CHMP2B: variants seen among roughly 807,000 people sequenced by gnomAD.
The protein encoded by CHMP2B is charged multivesicular body protein 2B, also known as VPS2 homolog B.
In CHMP2B, 22 loss-of-function variants were observed where a neutral mutation model predicts 29.8. That is an observed-to-expected ratio of 0.74 (90% CI 0.53 to 1.05). The LOEUF (loss-of-function observed/expected upper bound fraction) is 1.05, where lower values mean the gene tolerates loss of function less well. Among genes scored for constraint, CHMP2B ranks in the 50% least tolerant of loss-of-function variants. The pLI is 0.00. For synonymous variants in CHMP2B, 78 were observed against 75.8 expected, an observed-to-expected ratio of 1.03 and a Z score of -0.15; for missense variants, 261 against 252.2, an observed-to-expected ratio of 1.03 and a Z score of -0.24.
chr3:87,246,948 A>G (rs1359701785), intron 3 of CHMP2B, among the ~76,000 whole-genome samples: 12 of 152,242 alleles, frequency 7.9e-5, no homozygotes, highest in Admixed American at 7.9e-4. Flanking sequence ...TCTAAAAGAC[A>G]TTGCATAAGA....
In CHMP2B at chr3:87,227,565, C is replaced by T; in HGVS notation, c.34+9C>T. The T allele has an allele frequency of 1.2e-6, 2 of 1,614,158 alleles. No individual in the cohort carries two copies. The highest frequency in any genetic ancestry group is 1.3e-5 in the African/African-American group (1 of 75,060). ...GAAGAAAACCGTGGATGGTGAGTTC[C>T]AGGCCGGGCTGAAGGGGCCCAGCTC... On this transcript the variant is annotated intron_variant, in intron 1 of 5. Coordinates refer to ENST00000263780, the MANE Select transcript of CHMP2B (RefSeq NM_014043.4).
rs751663543 is a variant in CHMP2B, at chr3:87,245,854, A to G, written c.267A>G (p.Thr89=). 1.9e-6 allele frequency: 3 copies of G among 1,613,494 alleles called. No individual in the cohort carries two copies. The East Asian group carries it at 6.7e-5, about 36-fold the overall frequency. The change falls in exon 3 of 6, where the codon ACA becomes ACG. Residue 89 remains threonine, a synonymous_variant. Transcript: ENST00000263780. ...SSKVTSMSTQ[T]KVMNSQMKMA... ...AAGTTACTTCTATGTCTACACAAACAAAAGTGATGAATTCCCAAATGAAGA... is the reference window on the plus strand; with the variant it reads ...AAGTTACTTCTATGTCTACACAAACGAAAGTGATGAATTCCCAAATGAAGA...
Position 87,252,004 on chromosome 3 carries a change from C to T in CHMP2B, c.425-1400C>T, listed in dbSNP as rs147111007. 5.9e-3 allele frequency among the ~76,000 whole-genome samples: 889 copies of T among 151,962 alleles called. 9 individuals are homozygous for T. The highest frequency in any genetic ancestry group is 8.0e-3 in the Non-Finnish European group (546 of 67,876). ...TACCTTTGAGCATATTGACTAAATT[C>T]CTTTAGGGGTTTTCTGCTTACTACA... On this transcript the variant is annotated intron_variant, in intron 4 of 5. Transcript: ENST00000263780.
chr3:87,244,173 A>G (rs1706172075), intron 2 of CHMP2B, among the ~76,000 whole-genome samples: 2 of 150,120 alleles, frequency 1.3e-5, no homozygotes, highest in Non-Finnish European at 3.0e-5. Flanking sequence ...CAGCCTCCCA[A>G]GTAGCTGGGA....
intron 3 of CHMP2B, among the ~76,000 whole-genome samples, chr3:87,248,954 A>C (rs1271032860): frequency 6.6e-6 from 1 of 152,196 alleles, no homozygotes; most frequent in Non-Finnish European, 1.5e-5. Flanking sequence ...TATGCATCAT[A>C]TATATAAAAA....
chr3:87,233,377 C>T (rs190965671), intron 1 of CHMP2B, among the ~76,000 whole-genome samples: 83 of 152,218 alleles, frequency 5.5e-4, no homozygotes, highest in African/African-American at 1.9e-3. Flanking sequence ...TTCCTAGAAC[C>T]GGAACTTTCT....
At chr3:87,242,337 T>C (rs988622550) in intron 2 of CHMP2B, among the ~76,000 whole-genome samples, 8 of 152,138 alleles carry the variant, frequency 5.3e-5, no homozygotes, top group African/African-American at 2.4e-5. Flanking sequence ...TTTTTTTCAA[T>C]GTTGGAGTTT....
At chr3:87,228,229 T>G (rs1705848602) in intron 1 of CHMP2B, among the ~76,000 whole-genome samples, 2 of 152,338 alleles carry the variant, frequency 1.3e-5, no homozygotes, top group South Asian at 2.1e-4. Flanking sequence ...GATAATTGTG[T>G]TGTTTCCCGC....
rs757070412 is a variant in CHMP2B at position 87,253,465 on chromosome 3, T to G, written c.486T>G (p.Ile162Met). The G allele has an allele frequency of 6.2e-7, 1 of 1,612,018 alleles. No individual in the cohort carries two copies. Among genetic ancestry groups the G allele is most frequent in the East Asian group, 2.2e-5 (1 of 44,826 alleles). ...GSDDEEESQD[I>M]VNQVLDEIGI... ...ATGACGAAGAAGAAAGCCAGGATAT[T>G]GTGAATCAAGTTCTTGATGAAATTG... The change falls in exon 5 of 6, where the codon ATT becomes ATG. Residue 162 changes from isoleucine to methionine, a missense_variant. By Grantham distance (10) the Ile-to-Met change is conservative. Transcript: ENST00000263780.
chr3:87,236,777 G>A (rs573285838), intron 1 of CHMP2B, among the ~76,000 whole-genome samples: 3 of 151,468 alleles, frequency 2.0e-5, no homozygotes, highest in East Asian at 1.9e-4. Flanking sequence ...CAGGAGAATC[G>A]CTTGAACCTG....
intron 3 of CHMP2B, among the ~76,000 whole-genome samples, chr3:87,248,134 C>T (rs1405278181): frequency 6.6e-6 from 1 of 151,806 alleles, no homozygotes; most frequent in Non-Finnish European, 1.5e-5. Context: ...CCCACCTCTA[C>T]TAAAAATACA....
At chr3:87,247,519 G>A (rs1184520682) in intron 3 of CHMP2B, among the ~76,000 whole-genome samples, 6 of 152,202 alleles carry the variant, frequency 3.9e-5, no homozygotes, top group Admixed American at 1.3e-4. Flanking sequence ...TTAATTTGCA[G>A]TAAGAAGGCA....
intron 2 of CHMP2B, among the ~76,000 whole-genome samples, chr3:87,244,010 GTTTTTGTTTTTTGTTTTTTTT>G (rs1268334457): frequency 2.3e-5 from 3 of 132,780 alleles, no homozygotes; most frequent in Non-Finnish European, 3.2e-5. Flanking sequence ...CTTTGTTTCT[GTTTTTGTTTTTTGTTTTTTTT>G]TTTTTGTTTT....
At position 87,227,520 on chromosome 3, in the gene CHMP2B, A is replaced by G; in HGVS notation, c.-3A>G. ...CCGGGCCGCCCGGGCGCAGTCTTTAACCATGGCGTCCCTCTTCAAGAAGAA... is the reference window on the plus strand; with the variant it reads ...CCGGGCCGCCCGGGCGCAGTCTTTAGCCATGGCGTCCCTCTTCAAGAAGAA... On this transcript the variant is annotated 5_prime_UTR_variant, in exon 1 of 6. Transcript: ENST00000263780. The G allele has an allele frequency of 6.2e-7, 1 of 1,614,060 alleles. No individual in the cohort carries two copies.
At chr3:87,230,611 G>A (rs1705889927) in intron 1 of CHMP2B, among the ~76,000 whole-genome samples, 1 of 152,100 alleles carries the variant, frequency 6.6e-6, no homozygotes, top group South Asian at 2.1e-4. Context: ...TAATGGTGGT[G>A]GAACTGGAAA....
intron 3 of CHMP2B, among the ~76,000 whole-genome samples, chr3:87,246,127 C>T (rs999202345): frequency 2.7e-5 from 4 of 150,048 alleles, no homozygotes; most frequent in African/African-American, 7.4e-5. Context: ...GAGGACAATC[C>T]GTTTTCTTTC....
Position 87,253,861 on chromosome 3 carries a change from G to C in CHMP2B, c.*39G>C. The stretch of plus-strand genomic sequence containing the variant: ...TACTATTTTGCTTACTTATAATTAT[G>C]TAGTATAAACCAAGCACAGTGCAGA... On this transcript the variant is annotated 3_prime_UTR_variant, in exon 6 of 6. Coordinates refer to ENST00000263780, the MANE Select transcript of CHMP2B (RefSeq NM_014043.4). The C allele has an allele frequency of 6.9e-7, 1 of 1,457,760 alleles. No individual in the cohort carries two copies. The highest frequency in any genetic ancestry group is 9.6e-7 in the Non-Finnish European group (1 of 1,042,272). The allele number at this position is 1,457,760 out of a possible 1,614,324, so 90.3% of individuals were successfully genotyped here. A position where few individuals can be genotyped will look rare whatever the true frequency, so the allele number is the denominator to read the frequency against.
At chr3:87,233,938 A>C (rs938913966) in intron 1 of CHMP2B, among the ~76,000 whole-genome samples, 1 of 152,172 alleles carries the variant, frequency 6.6e-6, no homozygotes, top group Non-Finnish European at 1.5e-5. Flanking sequence ...CATACAGTAT[A>C]GTGGCTACTT....
intron 3 of CHMP2B, among the ~76,000 whole-genome samples, chr3:87,248,640 T>C (rs1200611973): frequency 1.3e-5 from 2 of 151,986 alleles, no homozygotes; most frequent in East Asian, 3.9e-4. Flanking sequence ...GATGTGTGTC[T>C]AGAGGGCAAT....
Sources: allele counts gnomAD v4.1 joint callset (sites outside exome capture counted in the v4.1 genomes callset), GRCh38; gene constraint gnomAD v4.1.1; transcripts MANE v1.5; gene names NCBI Gene and HGNC (gene_info 2026-07-23, HGNC 2026-07-21).